Variants in ARAF observed in about 807,000 individuals in gnomAD.
ARAF encodes the protein A-Raf proto-oncogene, serine/threonine kinase.
A neutral mutation model predicts 48.0 loss-of-function variants in ARAF; 18 were observed. The ratio of observed to expected loss-of-function variants is 0.37; its 90% CI spans 0.26 to 0.56. The LOEUF (loss-of-function observed/expected upper bound fraction) is 0.56. Ranked by LOEUF, ARAF falls within the 20% of genes least tolerant of loss-of-function variation. The pLI, the probability that ARAF is intolerant of heterozygous loss-of-function variation, is 0.77. For synonymous variants in ARAF, 207 were observed against 220.1 expected, an observed-to-expected ratio of 0.94 and a Z score of 0.53; for missense variants, 389 against 543.1, an observed-to-expected ratio of 0.72 and a Z score of 2.82.
intron 3 of ARAF, among the ~76,000 whole-genome samples, chrX:47,564,532 C>T (rs750765947): frequency 4.2e-4 from 47 of 112,505 alleles, no homozygotes; most frequent in African/African-American, 1.5e-3. Flanking sequence ...TCTCCCCTTC[C>T]GTTTCAGAGC....
intron 8 of ARAF, 34 bp from the exon 9 acceptor site, chrX:47,566,952 C>A (rs1454579671): frequency 3.5e-5 from 42 of 1,209,699 alleles, no homozygotes; most frequent in Non-Finnish European, 4.2e-5. Context: ...CGCTGCCCCA[C>A]TTACCTCCAC....
chrX:47,565,673 ATATATT>A, intron 6 of ARAF: 1 of 132,219 alleles, frequency 7.6e-6, no homozygotes, highest in Non-Finnish European at 1.5e-5. Flanking sequence ...TTAATTATAA[ATATATT>A]TATAAGCATC....
Position 47,566,674 on chromosome X carries a change from C to T in ARAF, c.593C>T (p.Pro198Leu), listed in dbSNP as rs2147905492. The T allele has an allele frequency of 8.4e-7, 1 of 1,186,982 alleles. No homozygotes were observed. Among genetic ancestry groups the T allele is most frequent in the Non-Finnish European group, 1.1e-6 (1 of 881,747 alleles). Residue 198 changes from proline (P) to leucine (L), a missense_variant, in exon 7 of 16, where the codon CCC becomes CTC. By Grantham distance (98) the Pro-to-Leu change is moderately conservative. Transcript: ENST00000377045. ...CAGCACTGTGACCCGGAGCACTTCC[C>T]CTTCCCTGCCCCAGCCAATGCCCCC... is the stretch of plus-strand genomic sequence containing the variant. ...RTQHCDPEHF[P>L]FPAPANAPLQ...
In ARAF at chrX:47,563,083, T is replaced by A. The variant is rs2147902577; in HGVS notation, c.96+20T>A. On this transcript the variant is annotated intron_variant, in intron 2 of 15. Coordinates refer to ENST00000377045, the MANE Select transcript of ARAF (RefSeq NM_001654.5). ...ACGGTGGTGAGTCATGGAAGCGAAA[T>A]GGCAGGGGCTGTGGATGGACCCAGT... 1 of 1,178,472 alleles carries A rather than the reference T, an allele frequency of 8.5e-7. No individual in the cohort carries two copies.
Position 47,569,535 on chromosome X carries a change from G to A in ARAF, c.1301-4G>A. On this transcript the variant is annotated splice_polypyrimidine_tract_variant and splice_region_variant and intron_variant, in intron 12 of 15. Coordinates refer to ENST00000377045, the MANE Select transcript of ARAF (RefSeq NM_001654.5). ...GTCCCTGTAGTGGTCCTTGACCCTG[G>A]CGGACATCTTCCTACATGAGGGGCT... The A allele has an allele frequency of 8.3e-7, 1 of 1,202,710 alleles. No individual in the cohort carries two copies.
rs756671375 is a variant in ARAF at position 47,569,026 on chromosome X, GTCTAACAGTA to G, written c.1298_1300+7del. Reference sequence around the variant, plus strand: ...AGAACATCATCCACCGAGATCTCAAGTCTAACAGTATCTATCTGTCCCTGGGCTGGGGTTG... The same window carrying G: ...AGAACATCATCCACCGAGATCTCAAGTCTATCTGTCCCTGGGCTGGGGTTG... On this transcript the variant is annotated splice_donor_variant and splice_donor_region_variant and coding_sequence_variant and intron_variant, in exon 12 of 16. Transcript: ENST00000377045. LOFTEE classifies it high-confidence loss of function. 1 of 1,198,547 alleles carries G rather than the reference GTCTAACAGTA, an allele frequency of 8.3e-7. No individual in the cohort carries two copies. The highest frequency in any genetic ancestry group is 1.8e-5 in the South Asian group (1 of 54,550).
rs67867352 is a variant in ARAF at position 47,571,216 on chromosome X, T to G, written c.1687-107T>G. On this transcript the variant is annotated intron_variant, in intron 15 of 15. Transcript: ENST00000377045. ...GCCATGAGGCTGGGACTGTTGGGTG[T>G]GTGTGTGTGTGTGTGTGTGTGTGTG... The G allele has an allele frequency of 0.1, 28,350 of 274,499 alleles. 3,280 individuals are homozygous for G. Among genetic ancestry groups the G allele is most frequent in the African/African-American group, 0.63 (19,911 of 31,597 alleles). The allele number at this position is 274,499 out of a possible 1,213,427, so 22.6% of individuals were successfully genotyped here.
intron 10 of ARAF, 60 bp from the exon 11 acceptor site, chrX:47,568,658 C>T (rs942773911): frequency 3.8e-5 from 43 of 1,131,357 alleles, no homozygotes; most frequent in Non-Finnish European, 4.6e-5. Flanking sequence ...TCCTGATGCT[C>T]GGTAAGTGAC....
intron 12 of ARAF, 130 bp from the exon 13 acceptor site, chrX:47,569,409 T>C: frequency 1.8e-6 from 1 of 547,174 alleles, no homozygotes; most frequent in Non-Finnish European, 3.1e-6. Flanking sequence ...GTGGATAGTT[T>C]GCGTGATATT....
At chrX:47,564,661 A>G (rs2057724535) in intron 3 of ARAF, 136 bp from the exon 4 acceptor site, 1 of 496,789 alleles carries the variant, frequency 2.0e-6, no homozygotes, top group Non-Finnish European at 3.5e-6. Flanking sequence ...ACTAATTTCT[A>G]GAGTTGCTGT....
chrX:47,569,786 G>C, intron 13 of ARAF, 107 bp from the exon 14 acceptor site: 1 of 1,114,005 alleles, frequency 9.0e-7, no homozygotes, highest in Non-Finnish European at 1.2e-6. Flanking sequence ...GTCCCACCTC[G>C]TGTGGGTGGC....
In ARAF at chrX:47,571,830, G is replaced by A. The variant is rs1236054430; in HGVS notation, c.*373G>A. On this transcript the variant is annotated 3_prime_UTR_variant, in exon 16 of 16. Coordinates refer to ENST00000377045, the MANE Select transcript of ARAF (RefSeq NM_001654.5). ...GTTCCCAGCACCCCATGTGGATTTT[G>A]GGGGGTCCCTTTTGTGTCTCCCCCG... The A allele has an allele frequency of 4.9e-6, 1 of 204,293 alleles. No homozygotes were observed. The highest frequency in any genetic ancestry group is 7.8e-5 in the East Asian group (1 of 12,770). The allele number at this position is 204,293 out of a possible 1,213,427, so 16.8% of individuals were successfully genotyped here. A position where few individuals can be genotyped will look rare whatever the true frequency, so the allele number is the denominator to read the frequency against.
At chrX:47,562,102 T>C (rs778974404) in intron 1 of ARAF, among the ~76,000 whole-genome samples, 4 of 108,557 alleles carry the variant, frequency 3.7e-5, no homozygotes, top group Non-Finnish European at 5.7e-5. Context: ...TTTAAGGACA[T>C]GTTTGGTGCA....
intron 1 of ARAF, among the ~76,000 whole-genome samples, chrX:47,561,623 C>T (rs1043553948): frequency 9.1e-6 from 1 of 110,007 alleles, no homozygotes; most frequent in Admixed American, 9.7e-5. Flanking sequence ...ACGCGGTTCA[C>T]TCCCCGGTTT....
chrX:47,562,838 T>G (rs2057716034), intron 1 of ARAF, 71 bp from the exon 2 acceptor site: 1 of 526,762 alleles, frequency 1.9e-6, no homozygotes. Context: ...TTGAATTTTA[T>G]TTTGTCCCCT....
At chrX:47,566,943 G>A (rs369811610) in intron 8 of ARAF, 32 bp downstream of exon 8, 22 of 1,209,232 alleles carry the variant, frequency 1.8e-5, no homozygotes, top group South Asian at 3.5e-5. Context: ...CCTGACCCCC[G>A]CTGCCCCACT....
Position 47,568,816 on chromosome X carries a change from A to T in ARAF, c.1175A>T (p.His392Leu), listed in dbSNP as rs1309073789. Residue 392 changes from histidine (H) to leucine (L), a missense_variant, in exon 11 of 16, where the codon CAT becomes CTT. By Grantham distance (99) the His-to-Leu change is moderately conservative (BLOSUM62 -3). Around this residue, in one of 4 missense-constraint regions of ARAF, gnomAD observed 170 missense variants for 281.4 expected, o/e 0.60. Coordinates refer to ENST00000377045, the MANE Select transcript of ARAF (RefSeq NM_001654.5). ...TQWCEGSSLY[H>L]HLHVADTRFD... Reference sequence around the variant, plus strand: ...TGGTGTGAGGGCTCCAGCCTCTACCATCACCTGCATGTGGCCGACACACGC... The same window carrying T: ...TGGTGTGAGGGCTCCAGCCTCTACCTTCACCTGCATGTGGCCGACACACGC... 8.3e-7 allele frequency: 1 copy of T among 1,208,631 alleles called. No homozygotes were observed. The highest frequency in any genetic ancestry group is 1.1e-6 in the Non-Finnish European group (1 of 894,745).
At position 47,567,043 on chromosome X, in the gene ARAF, G is replaced by T. The variant is rs142304168; in HGVS notation, c.785G>T (p.Ser262Ile). ...CCCCGGGGGAGCCCCAGCCCAGCCA[G>T]CGTGTCCTCGGGGAGGAAGTCCCCA... ...GTPRGSPSPASVSSGRKSPHS... is the reference protein window; with the variant it reads ...GTPRGSPSPAIVSSGRKSPHS... Residue 262 changes from serine to isoleucine, a missense_variant, in exon 9 of 16, where the codon AGC (serine) becomes ATC (isoleucine). Transcript: ENST00000377045. The T allele has an allele frequency of 1.4e-5, 17 of 1,210,387 alleles. No homozygotes were observed. The African/African-American group carries it at 2.6e-4, about 19-fold the overall frequency.
In ARAF at chrX:47,564,881, G is replaced by A. The variant is rs748685491; in HGVS notation, c.285G>A (p.Pro95=). Reference sequence around the variant, plus strand: ...TTGTCGAGGTCCTTGAAGATGTCCCGCTGACCATGCACAATTTTGTGAGTG... The same window carrying A: ...TTGTCGAGGTCCTTGAAGATGTCCCACTGACCATGCACAATTTTGTGAGTG... ...ELIVEVLEDV[P]LTMHNFVRKT... is the part of the protein sequence containing the mutation. Residue 95 remains proline, a synonymous_variant, in exon 4 of 16, where the codon CCG becomes CCA. Coordinates refer to ENST00000377045, the MANE Select transcript of ARAF (RefSeq NM_001654.5). 2.5e-6 allele frequency: 3 copies of A among 1,211,227 alleles called. No individual in the cohort carries two copies. Among genetic ancestry groups the A allele is most frequent in the African/African-American group, 1.7e-5 (1 of 57,761 alleles).
Sources: allele counts gnomAD v4.1 joint callset (sites outside exome capture counted in the v4.1 genomes callset), GRCh38; gene constraint gnomAD v4.1.1; regional missense constraint gnomAD v4.1.1; transcripts MANE v1.5; gene names NCBI Gene and HGNC (gene_info 2026-07-23, HGNC 2026-07-21).